The following GRID2 variants were observed in gnomAD, a reference collection of about 807,000 sequenced individuals.
GRID2 encodes glutamate receptor ionotropic, delta-2.
In GRID2, 33 loss-of-function variants were observed where a neutral mutation model predicts 114.8. The observed-to-expected ratio is 0.29, with a 90% confidence interval of 0.22 to 0.38. The LOEUF (loss-of-function observed/expected upper bound fraction) is 0.38. Among genes scored for constraint, GRID2 ranks in the 10% least tolerant of loss-of-function variants. The pLI is 1.00. For synonymous variants in GRID2, 505 were observed against 449.9 expected (o/e 1.12, Z -1.55); for missense variants, 1,184 against 1,257.7 (o/e 0.94, Z 0.89).
chr4:92,572,335 AGAAGTT>A (rs1160463896), intron 1 of GRID2, among the ~76,000 whole-genome samples: 1 of 152,206 alleles, frequency 6.6e-6, no homozygotes, highest in Non-Finnish European at 1.5e-5. Context: ...TAAACCAGGA[AGAAGTT>A]GAATCTCTCT....
chr4:93,589,423 G>A (rs1737921562), intron 13 of GRID2, among the ~76,000 whole-genome samples: 2 of 151,794 alleles, frequency 1.3e-5, no homozygotes, highest in South Asian at 2.1e-4. Context: ...TGGTGTATAT[G>A]TGCCACATTT....
At chr4:93,055,825 G>C (rs941805238) in intron 2 of GRID2, among the ~76,000 whole-genome samples, 3 of 151,902 alleles carry the variant, frequency 2.0e-5, no homozygotes, top group African/African-American at 2.4e-5. Flanking sequence ...ACAAGAATAT[G>C]TATCCGCTGA....
At chr4:92,691,211 TA>T (rs1734167001) in intron 2 of GRID2, among the ~76,000 whole-genome samples, 1 of 152,214 alleles carries the variant, frequency 6.6e-6, no homozygotes. Context: ...TTTTACAGGA[TA>T]TTTTTATTTT....
At chr4:93,682,095 A>G (rs1161913584) in intron 14 of GRID2, among the ~76,000 whole-genome samples, 1 of 151,766 alleles carries the variant, frequency 6.6e-6, no homozygotes, top group Non-Finnish European at 1.5e-5. Flanking sequence ...AAAATAACAA[A>G]CAACCCCATC....
intron 2 of GRID2, among the ~76,000 whole-genome samples, chr4:92,873,510 A>G (rs558374402): frequency 6.6e-6 from 1 of 152,154 alleles, no homozygotes; most frequent in Admixed American, 6.5e-5. Context: ...TAAATTCTAC[A>G]TTCAAATCTT....
chr4:92,367,079 A>G (rs1253251502), intron 1 of GRID2, among the ~76,000 whole-genome samples: 1 of 152,000 alleles, frequency 6.6e-6, no homozygotes, highest in Non-Finnish European at 1.5e-5. Context: ...ATGTCCCTTA[A>G]TTTGAGTTTG....
intron 5 of GRID2, among the ~76,000 whole-genome samples, chr4:93,211,571 A>G (rs985523411): frequency 2.0e-5 from 3 of 152,120 alleles, no homozygotes; most frequent in African/African-American, 7.2e-5. Flanking sequence ...TTATTTTCTT[A>G]TCCTTCAAAC....
At chr4:92,467,672 T>A (rs1013119495) in intron 1 of GRID2, among the ~76,000 whole-genome samples, 1 of 152,026 alleles carries the variant, frequency 6.6e-6, no homozygotes, top group African/African-American at 2.4e-5. Flanking sequence ...AAAGCATCTC[T>A]TCTCTTAATT....
chr4:92,512,871 T>C (rs1724326069), intron 1 of GRID2, among the ~76,000 whole-genome samples: 1 of 151,890 alleles, frequency 6.6e-6, no homozygotes, highest in South Asian at 2.1e-4. Flanking sequence ...TAGTTGGCTG[T>C]AATATTTTTG....
chr4:92,392,774 A>G (rs2110263439), intron 1 of GRID2, among the ~76,000 whole-genome samples: 1 of 152,234 alleles, frequency 6.6e-6, no homozygotes, highest in Admixed American at 6.5e-5. Context: ...CCTAAAGACT[A>G]TACTTTTTGA....
chr4:93,672,055 A>C (rs1724470954), intron 14 of GRID2, among the ~76,000 whole-genome samples: 1 of 152,234 alleles, frequency 6.6e-6, no homozygotes, highest in Non-Finnish European at 1.5e-5. Context: ...TCTGTTCTAC[A>C]TCCTGCTATT....
intron 2 of GRID2, among the ~76,000 whole-genome samples, chr4:93,047,145 C>G (rs1726225368): frequency 6.6e-6 from 1 of 151,890 alleles, no homozygotes; most frequent in South Asian, 2.1e-4. Flanking sequence ...AAACAGCTAA[C>G]CAGTACTCCT....
chr4:93,137,973 T>TC (rs1470374345), intron 4 of GRID2, among the ~76,000 whole-genome samples: 1 of 139,618 alleles, frequency 7.2e-6, no homozygotes, highest in East Asian at 2.1e-4. Context: ...TTCGTTTTTT[T>TC]TTTTTTTTTT....
chr4:92,951,927 ATGGATATGCT>A, intron 2 of GRID2, among the ~76,000 whole-genome samples: 1 of 152,158 alleles, frequency 6.6e-6, no homozygotes, highest in African/African-American at 2.4e-5. Flanking sequence ...ATTTCATTAC[ATGGATATGCT>A]ATCTCACCTA....
chr4:92,741,895 G>A (rs564077139), intron 2 of GRID2, among the ~76,000 whole-genome samples: 4 of 151,998 alleles, frequency 2.6e-5, no homozygotes, highest in South Asian at 2.1e-4. Context: ...TTTTATAAGC[G>A]GTTTTACCTA....
intron 1 of GRID2, among the ~76,000 whole-genome samples, chr4:93,801,144 A>G (rs1489388114): frequency 3.9e-5 from 6 of 152,152 alleles, no homozygotes. Context: ...TCAATTGTTT[A>G]TATGAAAGTA....
At chr4:92,731,230 G>T (rs1184303785) in intron 2 of GRID2, among the ~76,000 whole-genome samples, 1 of 132,578 alleles carries the variant, frequency 7.5e-6, no homozygotes, top group African/African-American at 2.9e-5. Context: ...GACAATAAGT[G>T]ATTTTTTTTT....
At chr4:92,529,291 GAA>G (rs1725212111) in intron 1 of GRID2, among the ~76,000 whole-genome samples, 1 of 151,842 alleles carries the variant, frequency 6.6e-6, no homozygotes, top group African/African-American at 2.4e-5. Flanking sequence ...GAGAGAGAGA[GAA>G]TGACAAACGT....
At chr4:92,762,296 A>G (rs1350533683) in intron 2 of GRID2, among the ~76,000 whole-genome samples, 1 of 152,110 alleles carries the variant, frequency 6.6e-6, no homozygotes, top group African/African-American at 2.4e-5. Context: ...ATATTAAAAT[A>G]TATTAAAATC....
Sources: gnomAD v4.1 joint callset for allele counts (sites outside exome capture counted in the v4.1 genomes callset) on GRCh38, gnomAD v4.1.1 for gene constraint, MANE v1.5 for transcripts, NCBI Gene and HGNC (gene_info 2026-07-23, HGNC 2026-07-21) for gene names.